The following DHX36 variants were observed in gnomAD, a reference collection of about 807,000 sequenced individuals.
DHX36 encodes DEAH-box helicase 36, also known as ATP-dependent DNA/RNA helicase DHX36.
In DHX36, 50 loss-of-function variants were observed where a neutral mutation model predicts 139.0. The observed-to-expected ratio is 0.36, with a 90% CI of 0.29 to 0.46. The LOEUF (loss-of-function observed/expected upper bound fraction) is 0.46. DHX36 is among the 20% of genes least tolerant of loss of function. DHX36 has a pLI of 1.00. For synonymous variants in DHX36, 425 were observed against 401.9 expected (o/e 1.06, Z -0.69); for missense variants, 1,024 against 1,211.3 (o/e 0.85, Z 2.29).
intron 16 of DHX36, 57 bp downstream of exon 16, chr3:154,289,652 A>G: frequency 9.9e-7 from 1 of 1,005,922 alleles, no homozygotes; most frequent in Non-Finnish European, 1.6e-6. Flanking sequence ...GTTCTACAAA[A>G]GATGTTGAAA....
At chr3:154,289,631 T>A (rs1202637508) in intron 16 of DHX36, 78 bp downstream of exon 16, 1 of 847,560 alleles carries the variant, frequency 1.2e-6, no homozygotes, top group African/African-American at 1.7e-5. Context: ...TGGAGATTAA[T>A]ACAGTACTTT....
chr3:154,314,362 T>C (rs1036819820), intron 3 of DHX36, among the ~76,000 whole-genome samples: 7 of 152,200 alleles, frequency 4.6e-5, no homozygotes, highest in East Asian at 1.9e-4. Context: ...TTCTTTCCTA[T>C]AGGAGGTGCT....
At position 154,311,521 on chromosome 3, in the gene DHX36, T is replaced by C. The variant is rs564030859; in HGVS notation, c.642+115A>G. 4 of 826,934 alleles carry C rather than the reference T, an allele frequency of 4.8e-6. No homozygotes were observed. The South Asian group carries it at 5.6e-5, about 11-fold the overall frequency. 51.2% of individuals were successfully genotyped at this position (826,934 alleles called of 1,614,324 possible). ...TCAAAAGAATAAAATTAACTTCCAA[T>C]ACTATCCTGTAAAAGAAAGTTCATT... is the stretch of plus-strand genomic sequence containing the variant. On this transcript the variant is annotated intron_variant, in intron 4 of 24. Transcript: ENST00000496811.
intron 15 of DHX36, among the ~76,000 whole-genome samples, chr3:154,290,327 T>C (rs1711739417): frequency 6.6e-6 from 1 of 152,102 alleles, no homozygotes; most frequent in South Asian, 2.1e-4. Context: ...TGATATCATT[T>C]TTTGAACAAT....
In DHX36 at chr3:154,284,836, T is replaced by C. The variant is rs768176187; in HGVS notation, c.2183A>G (p.Lys728Arg). The C allele has an allele frequency of 3.7e-6, 6 of 1,613,782 alleles. No homozygotes were observed. The South Asian group carries it at 4.4e-5, about 12-fold the overall frequency. Residue 728 changes from lysine (K) to arginine (R), a missense_variant, in exon 18 of 25, where the codon AAA becomes AGA. By Grantham distance (26) the Lys-to-Arg change is conservative (BLOSUM62 2). Transcript: ENST00000496811. ...VLTIAASLSFKDPFVIPLGKE... is the reference protein window; with the variant it reads ...VLTIAASLSFRDPFVIPLGKE... ...TACCAGTGGAATGACAAATGGATCT[T>C]TGAAACTGAGACTAGCAGCAATAGT...
chr3:154,314,156 T>C (rs1001019879), intron 3 of DHX36, among the ~76,000 whole-genome samples: 4 of 152,204 alleles, frequency 2.6e-5, no homozygotes, highest in Admixed American at 2.0e-4. Flanking sequence ...GATTCTCAAT[T>C]AATTCATCCT....
chr3:154,288,141 C>T (rs1334436079), intron 17 of DHX36, among the ~76,000 whole-genome samples: 1 of 102,950 alleles, frequency 9.7e-6, no homozygotes. Flanking sequence ...AAGTGAGACT[C>T]TGTCTCAAAA....
At chr3:154,318,819 AT>A (rs1172152071) in intron 1 of DHX36, among the ~76,000 whole-genome samples, 1 of 152,138 alleles carries the variant, frequency 6.6e-6, no homozygotes, top group Non-Finnish European at 1.5e-5. Context: ...TCTTGTTTTT[AT>A]TACTATTAAT....
chr3:154,288,346 T>C (rs1711633349), intron 17 of DHX36, among the ~76,000 whole-genome samples: 1 of 151,922 alleles, frequency 6.6e-6, no homozygotes, highest in Non-Finnish European at 1.5e-5. Context: ...AGATGCATAC[T>C]TGTAAAAACC....
intron 15 of DHX36, 134 bp downstream of exon 15, chr3:154,292,417 A>G: frequency 8.0e-7 from 1 of 1,246,902 alleles, no homozygotes; most frequent in East Asian, 2.4e-5. Context: ...TTCCTATTTA[A>G]AAATGTTTTG....
intron 12 of DHX36, among the ~76,000 whole-genome samples, chr3:154,297,427 T>C (rs189341951): frequency 1.8e-3 from 270 of 152,294 alleles, no homozygotes; most frequent in African/African-American, 6.3e-3. Context: ...GATTCTCTAG[T>C]TTTGGCTGGG....
intron 4 of DHX36, among the ~76,000 whole-genome samples, chr3:154,310,934 G>A (rs1158997577): frequency 1.4e-5 from 2 of 143,318 alleles, no homozygotes; most frequent in Non-Finnish European, 3.0e-5. Context: ...AAAGTTTTAA[G>A]TTTGAACACT....
chr3:154,290,268 A>G (rs535802609), intron 15 of DHX36, among the ~76,000 whole-genome samples: 2 of 152,306 alleles, frequency 1.3e-5, no homozygotes, highest in South Asian at 2.1e-4. Context: ...GTGAGTTTTC[A>G]GAGGGATATT....
chr3:154,299,749 A>T, intron 12 of DHX36, 89 bp downstream of exon 12: 1 of 923,574 alleles, frequency 1.1e-6, no homozygotes, highest in Non-Finnish European at 1.8e-6. Flanking sequence ...AGTAGAAGCA[A>T]CACTTCTTTG....
intron 12 of DHX36, among the ~76,000 whole-genome samples, chr3:154,297,688 A>C (rs1280108971): frequency 6.6e-6 from 1 of 151,778 alleles, no homozygotes; most frequent in Non-Finnish European, 1.5e-5. Flanking sequence ...CCAGCCTGGG[A>C]AACAGAGCGA....
In DHX36 at chr3:154,296,200, C is replaced by T. The variant is rs575407012; in HGVS notation, c.1550-861G>A. On this transcript the variant is annotated intron_variant, in intron 12 of 24. Coordinates refer to ENST00000496811, the MANE Select transcript of DHX36 (RefSeq NM_020865.3). ...TAAAAATAATACATTCCAGGCCAGGCGCGGTGGCTCATGCCTGTAATCCCA... is the reference window on the plus strand; with the variant it reads ...TAAAAATAATACATTCCAGGCCAGGTGCGGTGGCTCATGCCTGTAATCCCA... Among the ~76,000 whole-genome samples the T allele has an allele frequency of 4.6e-5, 7 of 152,248 alleles. No individual in the cohort carries two copies. In the South Asian group the frequency reaches 6.2e-4, roughly 14 times the overall value.
intron 12 of DHX36, among the ~76,000 whole-genome samples, chr3:154,299,402 A>G (rs904671351): frequency 2.0e-5 from 3 of 152,192 alleles, no homozygotes; most frequent in African/African-American, 7.2e-5. Context: ...TCATTTCTCT[A>G]GAGTTTATAT....
intron 11 of DHX36, 91 bp downstream of exon 11, chr3:154,300,503 A>G: frequency 2.0e-6 from 2 of 978,028 alleles, no homozygotes; most frequent in South Asian, 2.9e-5. Context: ...AGTCTATTTC[A>G]TAAGCATTTA....
intron 17 of DHX36, among the ~76,000 whole-genome samples, chr3:154,286,037 G>A (rs980102589): frequency 6.6e-6 from 1 of 151,158 alleles, no homozygotes; most frequent in Non-Finnish European, 1.5e-5. Context: ...CAGTTTAACT[G>A]AATACATGAA....
Sources: gnomAD v4.1 joint callset for allele counts (sites outside exome capture counted in the v4.1 genomes callset) on GRCh38, gnomAD v4.1.1 for gene constraint, MANE v1.5 for transcripts, NCBI Gene and HGNC (gene_info 2026-07-23, HGNC 2026-07-21) for gene names.